The following SNTG1 variants were observed in gnomAD, a reference collection of about 807,000 sequenced individuals.
SNTG1 encodes gamma-1-syntrophin.
SNTG1 carries 39 observed loss-of-function variants against 74.7 expected under a neutral mutation model. The observed-to-expected ratio is 0.52, with a 90% CI of 0.40 to 0.68. The LOEUF is 0.68. Among genes scored for constraint, SNTG1 ranks in the 30% least tolerant of loss-of-function variants. The probability of loss-of-function intolerance (pLI) is 0.00; values close to 1 mark genes in which losing one functional copy is unlikely to be tolerated. For missense variants in SNTG1, 685 were observed against 609.5 expected (o/e 1.12, Z -1.30); for synonymous variants, 254 against 217.1 (o/e 1.17, Z -1.49).
At chr8:50,423,796 G>A (rs1042946900) in intron 4 of SNTG1, among the ~76,000 whole-genome samples, 2 of 152,060 alleles carry the variant, frequency 1.3e-5, no homozygotes, top group African/African-American at 4.8e-5. Context: ...TATGGAAATT[G>A]GCCAAAAAAT....
chr8:50,009,333 G>A (rs1287845369), intron 1 of SNTG1, among the ~76,000 whole-genome samples: 1 of 152,120 alleles, frequency 6.6e-6, no homozygotes, highest in Admixed American at 6.5e-5. Flanking sequence ...TATAGGGATT[G>A]TTATATAAGT....
intron 13 of SNTG1, among the ~76,000 whole-genome samples, chr8:50,601,382 A>T (rs1438992274): frequency 6.6e-6 from 1 of 151,944 alleles, no homozygotes; most frequent in Non-Finnish European, 1.5e-5. Context: ...TCATTGACCA[A>T]CTGGTCATTC....
At position 50,058,408 on chromosome 8, in the gene SNTG1, T is replaced by G. The variant is rs959010712; in HGVS notation, c.-102-114153T>G. ...CAGGCTAGAAACCACACACCTTATC[T>G]AAGTCTCTATTTCCTATAAGGAAGC... On this transcript the variant is annotated intron_variant, in intron 1 of 18. Coordinates refer to ENST00000642720, the MANE Select transcript of SNTG1 (RefSeq NM_018967.5). Among the ~76,000 whole-genome samples the G allele has an allele frequency of 3.3e-5, 5 of 152,148 alleles. No individual in the cohort carries two copies. The South Asian group carries it at 1.0e-3, about 31-fold the overall frequency.
chr8:50,324,381 T>C (rs2090651277), intron 2 of SNTG1, among the ~76,000 whole-genome samples: 1 of 152,214 alleles, frequency 6.6e-6, no homozygotes, highest in African/African-American at 2.4e-5. Context: ...TGACTGTCTC[T>C]TCGGCCCTCC....
chr8:50,006,605 A>G (rs571845462), intron 1 of SNTG1, among the ~76,000 whole-genome samples: 2 of 152,144 alleles, frequency 1.3e-5, no homozygotes, highest in Non-Finnish European at 2.9e-5. Flanking sequence ...CTAGTTTTAG[A>G]GACTGATTGT....
At chr8:50,140,407 G>A (rs1165669784) in intron 1 of SNTG1, among the ~76,000 whole-genome samples, 1 of 152,122 alleles carries the variant, frequency 6.6e-6, no homozygotes, top group African/African-American at 2.4e-5. Flanking sequence ...ACATGTGTGT[G>A]TCTGAAAGAG....
chr8:50,410,346 T>C (rs1412606551), intron 4 of SNTG1, among the ~76,000 whole-genome samples: 2 of 152,172 alleles, frequency 1.3e-5, no homozygotes, highest in Non-Finnish European at 2.9e-5. Context: ...GATTGGAGTC[T>C]GTGTACACAC....
Position 50,382,441 on chromosome 8 carries a change from G to A in SNTG1, c.-27-11771G>A, listed in dbSNP as rs575987166. On this transcript the variant is annotated intron_variant, in intron 2 of 18. Coordinates refer to ENST00000642720, the MANE Select transcript of SNTG1 (RefSeq NM_018967.5). Reference sequence around the variant, plus strand: ...CTAGAGTTATTTGGATACAAGAGACGAAATCCAAATATGACTAGCTCAAAC... The same window carrying A: ...CTAGAGTTATTTGGATACAAGAGACAAAATCCAAATATGACTAGCTCAAAC... Among the ~76,000 whole-genome samples the A allele has an allele frequency of 1.2e-3, 188 of 152,094 alleles. 1 individual carries two copies. The highest frequency in any genetic ancestry group is 4.3e-3 in the African/African-American group (180 of 41,492).
chr8:49,992,063 A>G (rs557809289), intron 1 of SNTG1, among the ~76,000 whole-genome samples: 1 of 152,278 alleles, frequency 6.6e-6, no homozygotes, highest in East Asian at 1.9e-4. Context: ...CTCCCTTACA[A>G]CATGTCTTCC....
intron 12 of SNTG1, among the ~76,000 whole-genome samples, chr8:50,557,870 C>T (rs2094465618): frequency 6.6e-6 from 1 of 152,328 alleles, no homozygotes; most frequent in East Asian, 1.9e-4. Flanking sequence ...AGTTCAGTTT[C>T]AAAGCCTTTG....
chr8:50,556,794 C>T (rs16915044), intron 12 of SNTG1, among the ~76,000 whole-genome samples: 3,930 of 152,242 alleles, frequency 0.026, 168 homozygotes, highest in African/African-American at 0.084. Flanking sequence ...CTTCCATGTG[C>T]GTTGGCTCCA....
intron 1 of SNTG1, among the ~76,000 whole-genome samples, chr8:50,051,375 C>A (rs1819562028): frequency 6.6e-6 from 1 of 151,820 alleles, no homozygotes; most frequent in African/African-American, 2.4e-5. Flanking sequence ...AATATGCAAT[C>A]CAAATAAAAT....
chr8:50,745,070 T>C (rs183191220), intron 17 of SNTG1, among the ~76,000 whole-genome samples: 8 of 152,130 alleles, frequency 5.3e-5, no homozygotes, highest in Non-Finnish European at 8.8e-5. Flanking sequence ...TTAAAGCGAA[T>C]GACTTTTGTA....
intron 1 of SNTG1, among the ~76,000 whole-genome samples, chr8:49,922,248 A>G (rs190467042): frequency 3.2e-4 from 49 of 152,206 alleles, no homozygotes; most frequent in African/African-American, 1.1e-3. Flanking sequence ...TTCTCTCTCA[A>G]TCACTCAGAT....
At chr8:49,999,754 C>T (rs939692641) in intron 1 of SNTG1, among the ~76,000 whole-genome samples, 2 of 152,122 alleles carry the variant, frequency 1.3e-5, no homozygotes, top group African/African-American at 4.8e-5. Flanking sequence ...GCTCTCCCAC[C>T]GAGCCAGTGC....
chr8:49,979,831 C>CGTGT (rs1206343438), intron 1 of SNTG1, among the ~76,000 whole-genome samples: 2 of 152,158 alleles, frequency 1.3e-5, no homozygotes, highest in Non-Finnish European at 2.9e-5. Flanking sequence ...GCTGTGCGTG[C>CGTGT]GTGTGTGTGC....
rs1466518169 is a variant in SNTG1 at position 50,708,765 on chromosome 8, T to C, written c.1192-121T>C. On this transcript the variant is annotated intron_variant, in intron 16 of 18. Coordinates refer to ENST00000642720, the MANE Select transcript of SNTG1 (RefSeq NM_018967.5). ...TGATAATACTCCCTTCTTTATACAA[T>C]TATTGTTAATATTAAATTAGATATT... 5.0e-6 allele frequency: 3 copies of C among 601,798 alleles called. No individual in the cohort carries two copies. The African/African-American group carries it at 5.5e-5, about 11-fold the overall frequency. The allele number at this position is 601,798 out of a possible 1,614,324, so 37.3% of individuals were successfully genotyped here.
intron 1 of SNTG1, among the ~76,000 whole-genome samples, chr8:50,145,186 G>T (rs1433808239): frequency 1.3e-5 from 2 of 152,144 alleles, no homozygotes; most frequent in Admixed American, 1.3e-4. Flanking sequence ...AGAAAAGGGG[G>T]AGCCTCATTG....
intron 2 of SNTG1, among the ~76,000 whole-genome samples, chr8:50,387,135 C>T (rs750157784): frequency 2.6e-5 from 4 of 152,166 alleles, no homozygotes; most frequent in Admixed American, 6.6e-5. Flanking sequence ...TGATTACTGC[C>T]TTGGCCCTGA....
Sources: allele counts gnomAD v4.1 joint callset (sites outside exome capture counted in the v4.1 genomes callset), GRCh38; gene constraint gnomAD v4.1.1; transcripts MANE v1.5; gene names NCBI Gene and HGNC (gene_info 2026-07-23, HGNC 2026-07-21).